Variants in ROBO1 observed in about 807,000 individuals in gnomAD.
The protein encoded by ROBO1 is roundabout guidance receptor 1.
In ROBO1, 149 loss-of-function variants were observed where a neutral mutation model predicts 195.9. The observed-to-expected ratio is 0.76, with a 90% confidence interval of 0.67 to 0.87. ROBO1 has a LOEUF of 0.87. Among genes scored for constraint, ROBO1 ranks in the 40% least tolerant of loss-of-function variants. The pLI is 0.00. For missense variants in ROBO1, 1,933 were observed against 2,068.3 expected (o/e 0.93, Z 1.27); for synonymous variants, 816 against 733.2 (o/e 1.11, Z -1.82).
At chr3:78,792,495 T>C (rs1325566435) in intron 4 of ROBO1, among the ~76,000 whole-genome samples, 2 of 152,138 alleles carry the variant, frequency 1.3e-5, no homozygotes, top group East Asian at 1.9e-4. Context: ...GCTGCAAGAA[T>C]TGGATGGACA....
In ROBO1 at chr3:78,631,294, G is replaced by A. The variant is rs1705170818; in HGVS notation, c.3493C>T (p.His1165Tyr). ...RGSSTSGSQG[H>Y]KKGARTPKVP... ...TTGGGTGTTCTTGCCCCTTTCTTGT[G>A]CCCCTGACTCCCTAGAAAGGAAATA... The change falls in exon 25 of 31, where the codon CAC becomes TAC. Residue 1165 changes from histidine to tyrosine, a missense_variant. Coordinates refer to ENST00000464233, the MANE Select transcript of ROBO1 (RefSeq NM_002941.4). 6.2e-7 allele frequency: 1 copy of A among 1,612,814 alleles called. No homozygotes were observed.
rs55667736 is a variant in ROBO1 at position 79,693,383 on chromosome 3, T to TTGTG, written c.-51+74365_-51+74368dup. 7.3e-3 allele frequency among the ~76,000 whole-genome samples: 1,063 copies of TTGTG among 145,224 alleles called. 8 individuals carry two copies. The highest frequency in any genetic ancestry group is 0.02 in the African/African-American group (768 of 38,798). On this transcript the variant is annotated intron_variant, in intron 1 of 30. Coordinates refer to ENST00000464233, the MANE Select transcript of ROBO1 (RefSeq NM_002941.4). ...AAAATACACATCAATATATAGAGAT[T>TTGTG]TGTGTGTGTGTGTGTGTGTGTGTGT...
chr3:78,975,330 A>G (rs761182923), intron 3 of ROBO1, among the ~76,000 whole-genome samples: 1 of 152,208 alleles, frequency 6.6e-6, no homozygotes, highest in Non-Finnish European at 1.5e-5. Context: ...GTCTTTGCTT[A>G]CATATAAGGG....
intron 1 of ROBO1, among the ~76,000 whole-genome samples, chr3:79,766,966 C>T (rs1416767962): frequency 6.6e-6 from 1 of 152,014 alleles, no homozygotes; most frequent in African/African-American, 2.4e-5. Flanking sequence ...TCTCATTCTT[C>T]CTCCTTCCCT....
At chr3:78,955,002 T>C (rs2040969402) in intron 3 of ROBO1, among the ~76,000 whole-genome samples, 1 of 151,618 alleles carries the variant, frequency 6.6e-6, no homozygotes. Flanking sequence ...AGGTTGGTTA[T>C]ATAGGTAAAC....
At chr3:79,148,909 A>G (rs1426253905) in intron 2 of ROBO1, among the ~76,000 whole-genome samples, 4 of 151,940 alleles carry the variant, frequency 2.6e-5, no homozygotes, top group Non-Finnish European at 4.4e-5. Flanking sequence ...AGGTGCTCAG[A>G]ACAGCAAAAT....
At chr3:79,581,978 A>G (rs1202519631) in intron 2 of ROBO1, among the ~76,000 whole-genome samples, 1 of 151,960 alleles carries the variant, frequency 6.6e-6, no homozygotes, top group Non-Finnish European at 1.5e-5. Flanking sequence ...ATATTCTACT[A>G]GTGTTAATAT....
chr3:78,652,067 A>G (rs7619956), intron 18 of ROBO1, 138 bp from the exon 19 acceptor site: 618,817 of 653,984 alleles, frequency 0.95, 294,164 homozygotes, highest in Non-Finnish European at 0.97. Context: ...CCATCATCAA[A>G]TAAAATAGTT....
intron 2 of ROBO1, among the ~76,000 whole-genome samples, chr3:79,249,351 T>C (rs2108904162): frequency 6.6e-6 from 1 of 152,320 alleles, no homozygotes; most frequent in Non-Finnish European, 1.5e-5. Context: ...CTGACTTAAT[T>C]ATGAACGCCT....
At chr3:79,710,305 C>G (rs1702218504) in intron 1 of ROBO1, among the ~76,000 whole-genome samples, 1 of 152,168 alleles carries the variant, frequency 6.6e-6, no homozygotes, top group African/African-American at 2.4e-5. Context: ...CACACCTGGA[C>G]ATCTTGTAGT....
chr3:79,027,207 A>C (rs1011366300), intron 3 of ROBO1, among the ~76,000 whole-genome samples: 1 of 152,070 alleles, frequency 6.6e-6, no homozygotes, highest in African/African-American at 2.4e-5. Context: ...TTCATTTAAA[A>C]ACCATCTTGA....
At chr3:78,685,688 C>T in intron 10 of ROBO1, 58 bp downstream of exon 10, 10 of 1,248,944 alleles carry the variant, frequency 8.0e-6, no homozygotes, top group Non-Finnish European at 1.1e-5. Flanking sequence ...CTACTGGCAC[C>T]CTCTCTGGAT....
intron 1 of ROBO1, among the ~76,000 whole-genome samples, chr3:79,765,825 G>C (rs552479560): frequency 2.6e-4 from 40 of 152,244 alleles, no homozygotes; most frequent in Non-Finnish European, 5.6e-4. Flanking sequence ...ATAGGGTCCT[G>C]CATCTACGCT....
chr3:78,982,272 T>G (rs751257634), intron 3 of ROBO1, among the ~76,000 whole-genome samples: 152 of 152,272 alleles, frequency 1.0e-3, no homozygotes, highest in Middle Eastern at 3.4e-3. Flanking sequence ...TACCTAAATC[T>G]CATTGGATTA....
chr3:78,769,428 C>A (rs2083310561), intron 4 of ROBO1, among the ~76,000 whole-genome samples: 1 of 151,938 alleles, frequency 6.6e-6, no homozygotes, highest in Non-Finnish European at 1.5e-5. Flanking sequence ...CTTTTTCCAC[C>A]CTTTAAGTTT....
chr3:78,980,666 AG>A (rs780844948), intron 3 of ROBO1, among the ~76,000 whole-genome samples: 4 of 152,164 alleles, frequency 2.6e-5, no homozygotes, highest in Non-Finnish European at 5.9e-5. Flanking sequence ...AAAGATCTTC[AG>A]TTAAAAACAC....
intron 2 of ROBO1, among the ~76,000 whole-genome samples, chr3:79,501,847 C>T (rs182889334): frequency 5.9e-5 from 9 of 152,254 alleles, no homozygotes; most frequent in Middle Eastern, 3.4e-3. Context: ...TTATGAATAA[C>T]GGCCAGTATC....
chr3:78,906,264 T>C (rs1204592645), intron 4 of ROBO1, among the ~76,000 whole-genome samples: 2 of 152,096 alleles, frequency 1.3e-5, no homozygotes, highest in African/African-American at 2.4e-5. Flanking sequence ...AAAGCATATG[T>C]CACAGCTGCA....
chr3:79,590,910 G>A (rs1943979478), intron 1 of ROBO1, among the ~76,000 whole-genome samples: 1 of 151,654 alleles, frequency 6.6e-6, no homozygotes, highest in Non-Finnish European at 1.5e-5. Flanking sequence ...TTGTTTGGCT[G>A]GATGTTGGGG....
Sources: gnomAD v4.1 joint callset for allele counts (sites outside exome capture counted in the v4.1 genomes callset) on GRCh38, gnomAD v4.1.1 for gene constraint, MANE v1.5 for transcripts, NCBI Gene and HGNC (gene_info 2026-07-23, HGNC 2026-07-21) for gene names.